TENM4: variants seen among roughly 807,000 people sequenced by gnomAD.
The protein encoded by TENM4 is teneurin-4.
In TENM4, 82 loss-of-function variants were observed where a neutral mutation model predicts 243.3. The ratio of observed to expected loss-of-function variants is 0.34; its 90% CI spans 0.28 to 0.40. TENM4 has a LOEUF of 0.40. Among genes scored for constraint, TENM4 ranks in the 10% least tolerant of loss-of-function variants. The pLI is 1.00. For synonymous variants in TENM4, 1,412 were observed against 1,456.3 expected (o/e 0.97, Z 0.69); for missense variants, 3,138 against 3,673.3 (o/e 0.85, Z 3.77).
intron 33 of TENM4, among the ~76,000 whole-genome samples, chr11:78,660,110 G>T (rs1006401158): frequency 2.0e-5 from 3 of 152,184 alleles, no homozygotes; most frequent in Admixed American, 1.3e-4. Context: ...GGTGAGGGAG[G>T]AGGAGCTGTG....
chr11:79,179,869 A>G (rs1863247603), intron 3 of TENM4, among the ~76,000 whole-genome samples: 2 of 151,736 alleles, frequency 1.3e-5, no homozygotes, highest in South Asian at 4.2e-4. Context: ...CATTTAAATC[A>G]ACAACCATCC....
intron 6 of TENM4, among the ~76,000 whole-genome samples, chr11:78,971,133 C>T (rs1857537505): frequency 6.6e-6 from 1 of 152,112 alleles, no homozygotes; most frequent in Non-Finnish European, 1.5e-5. Context: ...AGGTGATCCT[C>T]CCGACTCAGC....
intron 2 of TENM4, among the ~76,000 whole-genome samples, chr11:79,235,309 C>T (rs151024011): frequency 5.6e-4 from 85 of 151,332 alleles, no homozygotes; most frequent in Non-Finnish European, 7.1e-4. Context: ...GGTGAGACTC[C>T]GTCTCCAAAA....
At chr11:78,912,267 T>C (rs1856205467) in intron 6 of TENM4, among the ~76,000 whole-genome samples, 1 of 152,146 alleles carries the variant, frequency 6.6e-6, no homozygotes, top group Non-Finnish European at 1.5e-5. Context: ...CACCCCGACT[T>C]CCAGTGAGAC....
intron 1 of TENM4, among the ~76,000 whole-genome samples, chr11:79,307,134 T>C (rs901760509): frequency 3.3e-5 from 5 of 152,222 alleles, no homozygotes; most frequent in Admixed American, 1.3e-4. Context: ...ACAACAACCC[T>C]ATAAAGTCGG....
chr11:78,970,421 G>A (rs547258747), intron 6 of TENM4, among the ~76,000 whole-genome samples: 1 of 152,246 alleles, frequency 6.6e-6, no homozygotes, highest in East Asian at 1.9e-4. Flanking sequence ...TGACAGCCCC[G>A]ATTTACATCT....
At chr11:79,413,088 C>T (rs541543707) in intron 1 of TENM4, among the ~76,000 whole-genome samples, 1 of 152,304 alleles carries the variant, frequency 6.6e-6, no homozygotes, top group South Asian at 2.1e-4. Flanking sequence ...CAAATAAAAA[C>T]CTATTTATTT....
chr11:78,763,366 G>A (rs1354588895), intron 18 of TENM4, among the ~76,000 whole-genome samples: 1 of 152,176 alleles, frequency 6.6e-6, no homozygotes, highest in East Asian at 1.9e-4. Flanking sequence ...GATGGGGAGT[G>A]GAGGGCAAAG....
At chr11:79,286,423 G>C (rs544146760) in intron 2 of TENM4, among the ~76,000 whole-genome samples, 2 of 151,370 alleles carry the variant, frequency 1.3e-5, no homozygotes, top group East Asian at 3.9e-4. Context: ...AGGTGGAGGT[G>C]GGGGGGATCA....
chr11:79,265,838 G>A (rs551327793), intron 2 of TENM4, among the ~76,000 whole-genome samples: 8 of 152,198 alleles, frequency 5.3e-5, no homozygotes, highest in African/African-American at 9.6e-5. Flanking sequence ...ATCTGTTCCC[G>A]TCTCTCACCT....
chr11:78,750,798 A>C (rs1785818), intron 19 of TENM4, among the ~76,000 whole-genome samples: 111,205 of 151,938 alleles, frequency 0.73, 43,855 homozygotes, highest in Non-Finnish European at 0.9. Flanking sequence ...ATATCTTCTT[A>C]TTCCACACCT....
chr11:78,979,737 G>A (rs1306406878), intron 6 of TENM4, among the ~76,000 whole-genome samples: 1 of 137,984 alleles, frequency 7.2e-6, no homozygotes, highest in Admixed American at 7.1e-5. Flanking sequence ...GTAAACAAAT[G>A]ACTGAGGAGA....
intron 12 of TENM4, among the ~76,000 whole-genome samples, chr11:78,824,503 C>CT (rs35834549): frequency 0.43 from 58,505 of 136,976 alleles, 13,244 homozygotes; most frequent in African/African-American, 0.55. Flanking sequence ...TTCTTTCTTT[C>CT]TTTTTTTTTT....
chr11:79,175,606 G>A (rs1436995621), intron 3 of TENM4, among the ~76,000 whole-genome samples: 1 of 152,290 alleles, frequency 6.6e-6, no homozygotes, highest in African/African-American at 2.4e-5. Flanking sequence ...AATGTGGAAT[G>A]CAGTCCTATT....
At chr11:79,099,225 T>A (rs1008980242) in intron 4 of TENM4, among the ~76,000 whole-genome samples, 4 of 152,098 alleles carry the variant, frequency 2.6e-5, no homozygotes, top group Non-Finnish European at 4.4e-5. Context: ...CAGGGGTGCA[T>A]CTGAGGGAGT....
At chr11:78,712,803 A>T in intron 25 of TENM4, 89 bp from the exon 26 acceptor site, 1 of 1,228,142 alleles carries the variant, frequency 8.1e-7, no homozygotes, top group South Asian at 1.4e-5. Context: ...GGCCCTTTAG[A>T]ATCCAAGCAA....
intron 2 of TENM4, among the ~76,000 whole-genome samples, chr11:79,224,932 C>T (rs544339513): frequency 3.2e-4 from 48 of 150,914 alleles, no homozygotes; most frequent in East Asian, 1.4e-3. Context: ...GCCTGGGCAA[C>T]AAGAGCCAGA....
intron 25 of TENM4, among the ~76,000 whole-genome samples, chr11:78,716,475 C>A (rs76209198): frequency 0.018 from 2,757 of 152,282 alleles, 94 homozygotes; most frequent in African/African-American, 0.063. Flanking sequence ...CCAGTCTCTG[C>A]GGCTTTGAAC....
intron 2 of TENM4, among the ~76,000 whole-genome samples, chr11:79,297,231 T>C (rs567363288): frequency 6.6e-6 from 1 of 152,334 alleles, no homozygotes; most frequent in South Asian, 2.1e-4. Context: ...ATGTTGGCCA[T>C]GTATGGCCTA....
Sources: allele counts gnomAD v4.1 joint callset (sites outside exome capture counted in the v4.1 genomes callset), GRCh38; gene constraint gnomAD v4.1.1; transcripts MANE v1.5; gene names NCBI Gene and HGNC (gene_info 2026-07-23, HGNC 2026-07-21).